Variants in CHORDC1 observed in about 807,000 individuals in gnomAD.
CHORDC1 encodes cysteine and histidine rich domain containing 1.
In CHORDC1, 25 loss-of-function variants were observed where a neutral mutation model predicts 48.3. That is an observed-to-expected ratio of 0.52 (90% CI 0.38 to 0.72). The LOEUF is 0.72. Ranked by LOEUF, CHORDC1 falls within the 30% of genes least tolerant of loss-of-function variation. The pLI is 0.00. For synonymous variants in CHORDC1, 128 were observed against 126.4 expected (o/e 1.01, Z -0.09); for missense variants, 317 against 388.7 (o/e 0.82, Z 1.55).
chr11:90,215,488 CTG>C (rs1474780402), intron 2 of CHORDC1, among the ~76,000 whole-genome samples: 1 of 151,822 alleles, frequency 6.6e-6, no homozygotes, highest in Non-Finnish European at 1.5e-5. Flanking sequence ...AAAACAAAAA[CTG>C]TTTCTCTTTT....
chr11:90,202,806 T>A lies in CHORDC1; in HGVS notation c.852+7A>T. 1 of 1,587,474 alleles carries A rather than the reference T, an allele frequency of 6.3e-7. No homozygotes were observed. Among genetic ancestry groups the A allele is most frequent in the Non-Finnish European group, 8.5e-7 (1 of 1,170,324 alleles). ...AAAAAAAATTCTTATAAATTTGTAA[T>A]ACTTACACCCCATAATTTCACATTT... On this transcript the variant is annotated splice_region_variant and intron_variant, in intron 10 of 10. Transcript: ENST00000320585.
chr11:90,218,134 C>A lies in CHORDC1; in HGVS notation c.114+1G>T. 1.9e-6 allele frequency: 3 copies of A among 1,571,504 alleles called. No individual in the cohort carries two copies. Among genetic ancestry groups the A allele is most frequent in the Admixed American group, 2.0e-5 (1 of 50,510 alleles). ...GAAAAAAATGAAAATATAGTTCCTA[C>A]CTTTAATGCATCGTGAAAGACCGGA... On this transcript the variant is annotated splice_donor_variant, in intron 2 of 10. Transcript: ENST00000320585. LOFTEE classifies it high-confidence loss of function.
rs1858224193 is a variant in CHORDC1, at chr11:90,223,049, T to C, written c.-95A>G. 2.8e-6 allele frequency: 3 copies of C among 1,090,572 alleles called. No individual in the cohort carries two copies. Among genetic ancestry groups the C allele is most frequent in the African/African-American group, 3.2e-5 (2 of 63,006 alleles). 67.6% of individuals were successfully genotyped at this position (1,090,572 alleles called of 1,614,324 possible). On this transcript the variant is annotated 5_prime_UTR_variant, in exon 1 of 11. Coordinates refer to ENST00000320585, the MANE Select transcript of CHORDC1 (RefSeq NM_012124.3). ...GTGTCGCTAGCACCGGTCTGACGAC[T>C]GAGGCGGCTACCGGCTTCCGGAAAC...
At position 90,200,931 on chromosome 11, in the gene CHORDC1, C is replaced by G. The variant is rs1305886251; in HGVS notation, c.*1474G>C. On this transcript the variant is annotated 3_prime_UTR_variant, in exon 11 of 11. Transcript: ENST00000320585. ...AAATTTTAAATACATCTCCAGGTAT[C>G]AGATGCTTATGTACTCCATGTGGGT... Among the ~76,000 whole-genome samples, 1 of 151,958 alleles carries G rather than the reference C, an allele frequency of 6.6e-6. No individual in the cohort carries two copies. Among genetic ancestry groups the G allele is most frequent in the African/African-American group, 2.4e-5 (1 of 41,436 alleles).
At chr11:90,207,779 C>CAAAAAAAAAAAAAAAA (rs1231587858) in intron 6 of CHORDC1, 2 of 91,304 alleles carry the variant, frequency 2.2e-5, no homozygotes, top group Admixed American at 1.3e-4. Context: ...AAAAAAAAAA[C>CAAAAAAAAAAAAAAAA]AAAAAAAACT....
Position 90,211,229 on chromosome 11 carries a change from T to C in CHORDC1, c.419A>G (p.Glu140Gly). ...TAAAATCTTACCTTTCTTATTTTCT[T>C]CATTCCCTGATGACAGTTTAAGTTT... Reference protein sequence around the residue: ...LDKLKLSSGNEENKKEEDNDE... With the variant: ...LDKLKLSSGNGENKKEEDNDE... The change falls in exon 5 of 11, where the codon GAA (glutamate) becomes GGA (glycine). Residue 140 changes from glutamate to glycine, a missense_variant. Coordinates refer to ENST00000320585, the MANE Select transcript of CHORDC1 (RefSeq NM_012124.3). 1.3e-6 allele frequency: 2 copies of C among 1,576,004 alleles called. No individual in the cohort carries two copies. Among genetic ancestry groups the C allele is most frequent in the Non-Finnish European group, 1.7e-6 (2 of 1,149,324 alleles).
rs1188433354 is a variant in CHORDC1 at position 90,201,590 on chromosome 11, A to G, written c.*815T>C. 6.6e-6 allele frequency: 1 copy of G among 152,398 alleles called. No homozygotes were observed. The highest frequency in any genetic ancestry group is 1.5e-5 in the Non-Finnish European group (1 of 67,872). The allele number at this position is 152,398 out of a possible 1,614,324, so 9.4% of individuals were successfully genotyped here. A position where few individuals can be genotyped will look rare whatever the true frequency, so the allele number is the denominator to read the frequency against. On this transcript the variant is annotated 3_prime_UTR_variant, in exon 11 of 11. Coordinates refer to ENST00000320585, the MANE Select transcript of CHORDC1 (RefSeq NM_012124.3). ...TTTCCATCAGGGAGGCAAGATATAT[A>G]TAATTTCTTTTTATATTTAACTAAA...
At position 90,202,390 on chromosome 11, in the gene CHORDC1, C is replaced by T; in HGVS notation, c.*15G>A. On this transcript the variant is annotated 3_prime_UTR_variant, in exon 11 of 11. Coordinates refer to ENST00000320585, the MANE Select transcript of CHORDC1 (RefSeq NM_012124.3). Reference sequence around the variant, plus strand: ...AATTCGGAAATAATGTAATAGCCTTCCTTCCATCTCCCACTCAATCTGTTG... The same window carrying T: ...AATTCGGAAATAATGTAATAGCCTTTCTTCCATCTCCCACTCAATCTGTTG... 2 of 1,609,486 alleles carry T rather than the reference C, an allele frequency of 1.2e-6. No individual in the cohort carries two copies. Among genetic ancestry groups the T allele is most frequent in the East Asian group, 2.2e-5 (1 of 44,828 alleles).
chr11:90,210,270 T>G (rs929216841), intron 6 of CHORDC1, among the ~76,000 whole-genome samples: 2 of 152,210 alleles, frequency 1.3e-5, no homozygotes, highest in African/African-American at 4.8e-5. Flanking sequence ...TTTGCTTTAT[T>G]TGATACTATG....
intron 6 of CHORDC1, chr11:90,207,218 T>C (rs568210549): frequency 6.2e-6 from 1 of 162,420 alleles, no homozygotes; most frequent in African/African-American, 2.4e-5. Context: ...AGCTAGCAGA[T>C]TTTAAGCAAT....
At chr11:90,219,605 G>A (rs558879491) in intron 1 of CHORDC1, among the ~76,000 whole-genome samples, 2 of 152,352 alleles carry the variant, frequency 1.3e-5, no homozygotes, top group Admixed American at 6.5e-5. Flanking sequence ...ACAATAGCAT[G>A]AGCCATATGT....
intron 4 of CHORDC1, chr11:90,211,723 T>G (rs930941247): frequency 1.2e-5 from 2 of 161,620 alleles, no homozygotes; most frequent in Non-Finnish European, 2.7e-5. Context: ...AAGTTCTAAG[T>G]GAATCCATAC....
chr11:90,213,685 G>C (rs959895398), intron 4 of CHORDC1: 2 of 452,476 alleles, frequency 4.4e-6, no homozygotes, highest in Non-Finnish European at 7.8e-6. Context: ...GCCATGAAAA[G>C]GAAAACTGCT....
rs1857878764 is a variant in CHORDC1, at chr11:90,211,982, CAA to C, written c.330-666_330-665del. On this transcript the variant is annotated intron_variant, in intron 4 of 10. Coordinates refer to ENST00000320585, the MANE Select transcript of CHORDC1 (RefSeq NM_012124.3). ...TCTATATCCTCGATGAAAAAACTGA[CAA>C]AAGAGGCATTTTAAAAGTACATAGG... The C allele has an allele frequency of 2.6e-5, 4 of 152,168 alleles. No homozygotes were observed. The South Asian group carries it at 8.3e-4, about 32-fold the overall frequency. The allele number at this position is 152,168 out of a possible 1,614,324, so 9.4% of individuals were successfully genotyped here.
chr11:90,202,677 C>A, intron 10 of CHORDC1, 126 bp from the exon 11 acceptor site: 1 of 1,391,624 alleles, frequency 7.2e-7, no homozygotes, highest in Non-Finnish European at 9.7e-7. Flanking sequence ...TATATCTAGT[C>A]TTAAACTTTT....
chr11:90,217,712 CAATATG>C (rs1447898061), intron 2 of CHORDC1: 1 of 152,708 alleles, frequency 6.5e-6, no homozygotes, highest in Non-Finnish European at 1.5e-5. Context: ...CCAGCCTGAC[CAATATG>C]ATGAAACCCT....
intron 4 of CHORDC1, chr11:90,213,739 G>A (rs771233864): frequency 4.4e-6 from 2 of 450,838 alleles, no homozygotes; most frequent in Non-Finnish European, 7.8e-6. Flanking sequence ...TGCACTCTAA[G>A]GCACAAGAAA....
In CHORDC1 at chr11:90,207,274, T is replaced by C. The variant is rs537035037; in HGVS notation, c.493-1002A>G. 6.8e-3 allele frequency: 606 copies of C among 89,384 alleles called. 7 individuals are homozygous for C. The highest frequency in any genetic ancestry group is 0.019 in the African/African-American group (580 of 30,792). 5.5% of individuals were successfully genotyped at this position (89,384 alleles called of 1,614,324 possible). The stretch of plus-strand genomic sequence containing the variant: ...CTACTATTTCTCAGCCTTCGACTTC[T>C]ATTTTCTACTAATTATCAAATTACT... On this transcript the variant is annotated intron_variant, in intron 6 of 10. Transcript: ENST00000320585.
chr11:90,221,364 G>A (rs761684905), intron 1 of CHORDC1, among the ~76,000 whole-genome samples: 1 of 152,006 alleles, frequency 6.6e-6, no homozygotes, highest in Non-Finnish European at 1.5e-5. Context: ...CCGTCATTTC[G>A]CTAAAGTAAA....
Sources: gnomAD v4.1 joint callset for allele counts (sites outside exome capture counted in the v4.1 genomes callset) on GRCh38, gnomAD v4.1.1 for gene constraint, MANE v1.5 for transcripts, NCBI Gene and HGNC (gene_info 2026-07-23, HGNC 2026-07-21) for gene names.